Variants in PTPN12 observed in about 807,000 individuals in gnomAD.
The protein encoded by PTPN12 is tyrosine-protein phosphatase non-receptor type 12.
In PTPN12, 29 loss-of-function variants were observed where a neutral mutation model predicts 97.6. The observed-to-expected ratio is 0.30, with a 90% CI of 0.22 to 0.41. The LOEUF is 0.41. PTPN12 is among the 10% of genes least tolerant of loss of function. The pLI is 1.00. For missense variants in PTPN12, 819 were observed against 926.0 expected (o/e 0.88, Z 1.50); for synonymous variants, 327 against 300.4 (o/e 1.09, Z -0.91).
chr7:77,625,517 CT>C (rs1789130759), intron 12 of PTPN12, among the ~76,000 whole-genome samples: 3 of 106,856 alleles, frequency 2.8e-5, no homozygotes, highest in Non-Finnish European at 5.8e-5. Context: ...CTCTCTCTCT[CT>C]CTCTCACTCT....
intron 1 of PTPN12, among the ~76,000 whole-genome samples, chr7:77,564,758 T>TTTTG (rs1808178945): frequency 3.1e-5 from 3 of 97,802 alleles, no homozygotes; most frequent in Admixed American, 1.1e-4. Context: ...TTTTTTTTTT[T>TTTTG]TTTTTTTTTT....
Position 77,583,538 on chromosome 7 carries a change from C to T in PTPN12, c.286-17C>T. 6.5e-7 allele frequency: 1 copy of T among 1,534,782 alleles called. No homozygotes were observed. The highest frequency in any genetic ancestry group is 8.9e-7 in the Non-Finnish European group (1 of 1,125,186). ...GTAATCAAAATAAATGTGAAATTTGCTTTTAACCATTTTTAGGGCGTCTAT... is the reference window on the plus strand; with the variant it reads ...GTAATCAAAATAAATGTGAAATTTGTTTTTAACCATTTTTAGGGCGTCTAT... On this transcript the variant is annotated splice_polypyrimidine_tract_variant and intron_variant, in intron 3 of 17. Transcript: ENST00000248594.
intron 1 of PTPN12, among the ~76,000 whole-genome samples, chr7:77,558,065 G>C (rs536517607): frequency 6.4e-4 from 98 of 152,006 alleles, no homozygotes; most frequent in Non-Finnish European, 1.2e-3. Flanking sequence ...AGAAAAATTA[G>C]CTGGGCCTGG....
intron 1 of PTPN12, among the ~76,000 whole-genome samples, chr7:77,569,930 C>A (rs1808404768): frequency 6.6e-6 from 1 of 152,202 alleles, no homozygotes; most frequent in African/African-American, 2.4e-5. Flanking sequence ...TTCAAGCAGT[C>A]CTCCCAAAGT....
chr7:77,600,873 C>T (rs1788168037), intron 8 of PTPN12, 67 bp downstream of exon 8: 1 of 1,321,028 alleles, frequency 7.6e-7, no homozygotes, highest in Non-Finnish European at 1.0e-6. Flanking sequence ...GGTTTTATTT[C>T]TGCATTAATA....
intron 8 of PTPN12, among the ~76,000 whole-genome samples, chr7:77,603,518 T>C (rs759808944): frequency 2.0e-5 from 3 of 152,210 alleles, no homozygotes; most frequent in Admixed American, 6.5e-5. Flanking sequence ...GGAGTTTTGC[T>C]CTTGTTGCCC....
intron 1 of PTPN12, among the ~76,000 whole-genome samples, chr7:77,550,165 A>G (rs1807417445): frequency 6.6e-6 from 1 of 151,826 alleles, no homozygotes; most frequent in African/African-American, 2.4e-5. Flanking sequence ...ACCTTTCTCT[A>G]CCTACTCAGT....
Position 77,627,391 on chromosome 7 carries a change from G to A in PTPN12, c.1712G>A (p.Ser571Asn), listed in dbSNP as rs1789234902. 15 of 1,614,040 alleles carry A rather than the reference G, an allele frequency of 9.3e-6. No homozygotes were observed. The highest frequency in any genetic ancestry group is 1.3e-5 in the Non-Finnish European group (15 of 1,179,966). The change falls in exon 13 of 18, where the codon AGT becomes AAT. Residue 571 changes from serine (S) to asparagine (N), a missense_variant. Ser to Asn is a conservative substitution (Grantham distance 46). Around this residue, in one of 5 missense-constraint regions of PTPN12, gnomAD observed 607 missense variants for 577.3 expected, o/e 1.05. Transcript: ENST00000248594. ...QTRKTVSLTPSPTTQVETPDL... is the reference protein window; with the variant it reads ...QTRKTVSLTPNPTTQVETPDL... Reference sequence around the variant, plus strand: ...AGGAAAACTGTGAGTTTAACACCAAGTCCTACAACACAAGTTGAAACACCT... The same window carrying A: ...AGGAAAACTGTGAGTTTAACACCAAATCCTACAACACAAGTTGAAACACCT...
At chr7:77,571,849 C>T (rs1051399677) in intron 2 of PTPN12, among the ~76,000 whole-genome samples, 11 of 152,078 alleles carry the variant, frequency 7.2e-5, no homozygotes, top group Admixed American at 2.6e-4. Flanking sequence ...TGAGCCACTG[C>T]GCCCTGTCTG....
rs554520414 is a variant in PTPN12 at position 77,604,631 on chromosome 7, T to G, written c.696-2604T>G. On this transcript the variant is annotated intron_variant, in intron 8 of 17. Transcript: ENST00000248594. ...TGTTTGCAATACATAAGTTTCATTT[T>G]GTCATGTCAGATTTTTGAATGGTTT... Among the ~76,000 whole-genome samples the G allele has an allele frequency of 1.2e-4, 19 of 152,326 alleles. No homozygotes were observed. The East Asian group carries it at 3.3e-3, about 26-fold the overall frequency.
intron 8 of PTPN12, among the ~76,000 whole-genome samples, chr7:77,604,686 G>C (rs1336521834): frequency 6.6e-6 from 1 of 151,800 alleles, no homozygotes; most frequent in Non-Finnish European, 1.5e-5. Flanking sequence ...TACATAGAAA[G>C]TCTTTCCCTA....
chr7:77,636,946 A>G (rs893692030), intron 15 of PTPN12, 72 bp from the exon 16 acceptor site: 4 of 1,254,014 alleles, frequency 3.2e-6, no homozygotes, highest in Non-Finnish European at 4.5e-6. Flanking sequence ...TATACCCATA[A>G]CAGACCCAGC....
chr7:77,588,232 T>C (rs557808362), intron 5 of PTPN12, among the ~76,000 whole-genome samples: 1 of 152,332 alleles, frequency 6.6e-6, no homozygotes, highest in Admixed American at 6.5e-5. Flanking sequence ...CATTTTTAGC[T>C]TTTTTATTTA....
chr7:77,600,139 TAAG>T (rs1353344020), intron 7 of PTPN12, among the ~76,000 whole-genome samples: 3 of 152,200 alleles, frequency 2.0e-5, no homozygotes, highest in African/African-American at 7.2e-5. Context: ...CACTAATCTG[TAAG>T]AAGACTAGTG....
intron 1 of PTPN12, among the ~76,000 whole-genome samples, chr7:77,558,141 G>A (rs779618832): frequency 3.3e-5 from 5 of 150,464 alleles, no homozygotes; most frequent in African/African-American, 7.3e-5. Flanking sequence ...AACCCATGAG[G>A]TGGAGGTTGC....
intron 7 of PTPN12, among the ~76,000 whole-genome samples, chr7:77,598,280 C>T (rs1169186470): frequency 6.6e-6 from 1 of 152,086 alleles, no homozygotes; most frequent in Non-Finnish European, 1.5e-5. Flanking sequence ...GCTGAAAAAC[C>T]ACCTATTGGG....
intron 1 of PTPN12, among the ~76,000 whole-genome samples, chr7:77,564,790 G>A (rs1490261825): frequency 1.8e-4 from 16 of 86,916 alleles, no homozygotes; most frequent in African/African-American, 6.8e-4. Flanking sequence ...ACGGAATCTC[G>A]CCCTTGTGCC....
intron 1 of PTPN12, among the ~76,000 whole-genome samples, chr7:77,556,602 C>T (rs563863704): frequency 2.9e-4 from 44 of 152,170 alleles, no homozygotes; most frequent in South Asian, 2.5e-3. Flanking sequence ...GTAATCCCAG[C>T]ACTTTGGGAG....
intron 1 of PTPN12, among the ~76,000 whole-genome samples, chr7:77,547,153 C>T (rs1336040667): frequency 6.6e-6 from 1 of 152,206 alleles, no homozygotes; most frequent in Non-Finnish European, 1.5e-5. Flanking sequence ...TCCATGGTCT[C>T]TGTCATCCAT....
Sources: gnomAD v4.1 joint callset for allele counts (sites outside exome capture counted in the v4.1 genomes callset) on GRCh38, gnomAD v4.1.1 for gene constraint, gnomAD v4.1.1 regional missense constraint, MANE v1.5 for transcripts, NCBI Gene and HGNC (gene_info 2026-07-23, HGNC 2026-07-21) for gene names.